CADM2: variants seen among roughly 807,000 people sequenced by gnomAD.
CADM2 encodes cell adhesion molecule 2.
In CADM2, 12 loss-of-function variants were observed where a neutral mutation model predicts 49.8. That is an observed-to-expected ratio of 0.24 (90% confidence interval 0.15 to 0.39). The LOEUF is 0.39. Ranked by LOEUF, CADM2 falls within the 10% of genes least tolerant of loss-of-function variation. CADM2 has a pLI of 1.00. For missense variants in CADM2, 378 were observed against 492.3 expected (o/e 0.77, Z 2.20); for synonymous variants, 214 against 175.4 (o/e 1.22, Z -1.74).
intron 7 of CADM2, among the ~76,000 whole-genome samples, chr3:85,958,628 G>C (rs1480356047): frequency 1.3e-5 from 2 of 151,874 alleles, no homozygotes; most frequent in Non-Finnish European, 2.9e-5. Context: ...GTTTACAATA[G>C]CAAAGACTTG....
At chr3:85,452,315 G>T (rs2037783141) in intron 1 of CADM2, among the ~76,000 whole-genome samples, 1 of 152,074 alleles carries the variant, frequency 6.6e-6, no homozygotes, top group Non-Finnish European at 1.5e-5. Flanking sequence ...CTTGCCAAAT[G>T]CTTTTGATCT....
At chr3:85,949,715 A>G (rs916570843) in intron 7 of CADM2, among the ~76,000 whole-genome samples, 10 of 151,202 alleles carry the variant, frequency 6.6e-5, no homozygotes, top group African/African-American at 2.4e-4. Context: ...TTTTCTGAAG[A>G]TCACTGGTTT....
At chr3:85,123,600 T>A (rs985686266) in intron 1 of CADM2, among the ~76,000 whole-genome samples, 2 of 152,106 alleles carry the variant, frequency 1.3e-5, no homozygotes, top group African/African-American at 4.8e-5. Context: ...AGGAAGGACA[T>A]AACTGAAACA....
intron 1 of CADM2, among the ~76,000 whole-genome samples, chr3:85,173,793 CA>C: frequency 6.6e-6 from 1 of 152,216 alleles, no homozygotes; most frequent in Middle Eastern, 3.4e-3. Flanking sequence ...AAATAATGCC[CA>C]ATTCTTCTGT....
intron 1 of CADM2, among the ~76,000 whole-genome samples, chr3:85,681,290 C>G (rs1205604729): frequency 6.6e-6 from 1 of 152,064 alleles, no homozygotes; most frequent in African/African-American, 2.4e-5. Context: ...GTGAGATTTA[C>G]AGTTCATTAG....
At position 85,000,241 on chromosome 3, in the gene CADM2, G is replaced by A. The variant is rs1334002193; in HGVS notation, c.61+40573G>A. Among the ~76,000 whole-genome samples the A allele has an allele frequency of 2.0e-5, 3 of 151,394 alleles. No individual in the cohort carries two copies. In the East Asian group the frequency reaches 5.9e-4, roughly 30 times the overall value. On this transcript the variant is annotated intron_variant, in intron 1 of 9. Transcript: ENST00000383699. ...CAATCCTCCTACCTTACACTCTAGA[G>A]TAGTTGGGACTACAGGTGTGCATCA...
chr3:85,309,677 A>T (rs2044297677), intron 1 of CADM2, among the ~76,000 whole-genome samples: 1 of 152,202 alleles, frequency 6.6e-6, no homozygotes, highest in African/African-American at 2.4e-5. Flanking sequence ...TCCATTTTCA[A>T]GTGTCAGACA....
At chr3:85,408,030 A>AAAAAAAAAAAAAAAAAAAAAC (rs71108287) in intron 1 of CADM2, among the ~76,000 whole-genome samples, 1 of 133,926 alleles carries the variant, frequency 7.5e-6, no homozygotes, top group Non-Finnish European at 1.6e-5. Context: ...AAAAAAAAAA[A>AAAAAAAAAAAAAAAAAAAAAC]GAAGAAGAAG....
In CADM2 at chr3:85,915,387, A is replaced by G. The variant is rs1278974729; in HGVS notation, c.700+2844A>G. On this transcript the variant is annotated intron_variant, in intron 6 of 9. Coordinates refer to ENST00000383699, the MANE Select transcript of CADM2 (RefSeq NM_001167675.2). Reference sequence around the variant, plus strand: ...AAATTATTTTCCTAGCATCTAGCATACCATCATTCAAGTATGTGAAGTTAA... The same window carrying G: ...AAATTATTTTCCTAGCATCTAGCATGCCATCATTCAAGTATGTGAAGTTAA... 2.0e-5 allele frequency among the ~76,000 whole-genome samples: 3 copies of G among 152,152 alleles called. No homozygotes were observed. In the East Asian group the frequency reaches 5.8e-4, roughly 29 times the overall value.
intron 1 of CADM2, among the ~76,000 whole-genome samples, chr3:84,962,142 A>G (rs2030589307): frequency 6.6e-6 from 1 of 151,538 alleles, no homozygotes; most frequent in African/African-American, 2.4e-5. Context: ...ATTAGGTCCA[A>G]TAAATAAATA....
At chr3:85,652,155 G>C in intron 1 of CADM2, among the ~76,000 whole-genome samples, 1 of 151,878 alleles carries the variant, frequency 6.6e-6, no homozygotes, top group South Asian at 2.1e-4. Flanking sequence ...TGTCAGTCTC[G>C]TTTACCCAAT....
At chr3:85,964,838 A>G (rs540438821) in intron 8 of CADM2, among the ~76,000 whole-genome samples, 6 of 151,876 alleles carry the variant, frequency 4.0e-5, no homozygotes, top group African/African-American at 1.4e-4. Context: ...TCCTCTGAGC[A>G]CAGTAGTTTC....
At chr3:85,934,237 T>C (rs1273272706) in intron 6 of CADM2, among the ~76,000 whole-genome samples, 1 of 152,096 alleles carries the variant, frequency 6.6e-6, no homozygotes, top group Non-Finnish European at 1.5e-5. Flanking sequence ...TAGGCCTCAG[T>C]TTGACCAGAA....
chr3:85,298,825 A>G (rs769607788), intron 1 of CADM2, among the ~76,000 whole-genome samples: 3 of 152,158 alleles, frequency 2.0e-5, no homozygotes, highest in Admixed American at 6.6e-5. Context: ...AGTAAGAAGG[A>G]TAACATATAG....
intron 1 of CADM2, among the ~76,000 whole-genome samples, chr3:85,389,148 G>T (rs2034395218): frequency 6.6e-6 from 1 of 152,014 alleles, no homozygotes; most frequent in South Asian, 2.1e-4. Context: ...TTTCTATGGC[G>T]CCATAGAGTA....
At chr3:85,507,915 C>T (rs374814849) in intron 1 of CADM2, among the ~76,000 whole-genome samples, 7 of 95,300 alleles carry the variant, frequency 7.3e-5, no homozygotes, top group African/African-American at 1.7e-4. Context: ...TACTGTTTAC[C>T]TGAGTTGTAA....
At chr3:85,442,057 A>C (rs2037225648) in intron 1 of CADM2, among the ~76,000 whole-genome samples, 2 of 152,112 alleles carry the variant, frequency 1.3e-5, no homozygotes, top group South Asian at 4.1e-4. Context: ...AAACCAGAGA[A>C]GACATGTTGA....
chr3:84,971,355 A>G (rs1426313971), intron 1 of CADM2, among the ~76,000 whole-genome samples: 2 of 152,216 alleles, frequency 1.3e-5, no homozygotes, highest in African/African-American at 4.8e-5. Context: ...TGTATGTTCA[A>G]TAACATTTAC....
chr3:85,605,083 G>T (rs948409705), intron 1 of CADM2, among the ~76,000 whole-genome samples: 3 of 152,050 alleles, frequency 2.0e-5, no homozygotes, highest in African/African-American at 7.2e-5. Context: ...CCTTAAAATG[G>T]TAATTTCAAA....
Sources: allele counts gnomAD v4.1 joint callset (sites outside exome capture counted in the v4.1 genomes callset), GRCh38; gene constraint gnomAD v4.1.1; transcripts MANE v1.5; gene names NCBI Gene and HGNC (gene_info 2026-07-23, HGNC 2026-07-21).